ERC2: variants seen among roughly 807,000 people sequenced by gnomAD.
The protein encoded by ERC2 is ELKS/RAB6-interacting/CAST family member 2.
In ERC2, 42 loss-of-function variants were observed where a neutral mutation model predicts 114.8. The observed-to-expected ratio is 0.37, with a 90% CI of 0.29 to 0.47. The LOEUF (loss-of-function observed/expected upper bound fraction) is 0.47. ERC2 is among the 20% of genes least tolerant of loss of function. The pLI is 0.99. For synonymous variants in ERC2, 454 were observed against 425.5 expected, an observed-to-expected ratio of 1.07 and a Z score of -0.82; for missense variants, 939 against 1,150.7, an observed-to-expected ratio of 0.82 and a Z score of 2.66.
chr3:55,588,735 C>T (rs116097686), intron 17 of ERC2, among the ~76,000 whole-genome samples: 7 of 152,170 alleles, frequency 4.6e-5, no homozygotes, highest in Non-Finnish European at 1.0e-4. Flanking sequence ...GGGGCTCCCC[C>T]TTCCTTCCCA....
At position 56,296,083 on chromosome 3, in the gene ERC2, GA is replaced by G. The variant is rs1286863270; in HGVS notation, c.1009del (p.Ser337LeufsTer8). On this transcript the variant is annotated frameshift_variant, in exon 3 of 18. Transcript: ENST00000288221. LOFTEE classifies it high-confidence loss of function. ...ERTRRMAEAE[S>X]QVSHLEVILD... Reference sequence around the variant, plus strand: ...AATCACTTCCAAGTGGCTGACCTGAGACTCAGCCTCTGCCATCCGCCGCGTT... The same window carrying G: ...AATCACTTCCAAGTGGCTGACCTGAGCTCAGCCTCTGCCATCCGCCGCGTT... 5.0e-6 allele frequency: 8 copies of G among 1,613,080 alleles called. No homozygotes were observed. Among genetic ancestry groups the G allele is most frequent in the Non-Finnish European group, 6.8e-6 (8 of 1,179,198 alleles).
At chr3:56,206,471 T>A (rs1166039163) in intron 3 of ERC2, among the ~76,000 whole-genome samples, 2 of 152,192 alleles carry the variant, frequency 1.3e-5, no homozygotes, top group Non-Finnish European at 2.9e-5. Flanking sequence ...ACCATAGCAT[T>A]GTTACAAGGG....
At chr3:56,201,605 T>C (rs915831625) in intron 3 of ERC2, among the ~76,000 whole-genome samples, 1 of 152,226 alleles carries the variant, frequency 6.6e-6, no homozygotes, top group Non-Finnish European at 1.5e-5. Context: ...CCTCTGTTTA[T>C]ACATATGCAG....
chr3:55,877,757 C>T (rs1401115568), intron 14 of ERC2, among the ~76,000 whole-genome samples: 2 of 152,212 alleles, frequency 1.3e-5, no homozygotes, highest in East Asian at 3.9e-4. Flanking sequence ...AAGTGATCCA[C>T]TGGCCTCAGC....
At chr3:55,647,036 C>T (rs373660076) in intron 17 of ERC2, 7 of 152,316 alleles carry the variant, frequency 4.6e-5, no homozygotes, top group African/African-American at 1.4e-4. Context: ...GCCCAGTTCA[C>T]CTGCTTCTTC....
At chr3:55,753,960 T>C (rs946623968) in intron 14 of ERC2, among the ~76,000 whole-genome samples, 2 of 152,198 alleles carry the variant, frequency 1.3e-5, no homozygotes, top group African/African-American at 4.8e-5. Flanking sequence ...AGTTTCTTCA[T>C]CTGTAAAATG....
chr3:56,241,426 C>T (rs1369920996), intron 3 of ERC2, among the ~76,000 whole-genome samples: 8 of 152,186 alleles, frequency 5.3e-5, no homozygotes, highest in East Asian at 1.9e-4. Flanking sequence ...AGAAAAGGTA[C>T]GCCTTATACA....
intron 17 of ERC2, among the ~76,000 whole-genome samples, chr3:55,527,038 C>T (rs755436411): frequency 2.6e-5 from 4 of 152,246 alleles, no homozygotes; most frequent in African/African-American, 4.8e-5. Flanking sequence ...GCAGGAGAGT[C>T]AGGAAGTATC....
chr3:55,971,711 T>C (rs1489767614), intron 12 of ERC2, among the ~76,000 whole-genome samples: 1 of 152,126 alleles, frequency 6.6e-6, no homozygotes, highest in Non-Finnish European at 1.5e-5. Flanking sequence ...TCAGTACCTT[T>C]CTCAAATTTT....
At chr3:55,965,259 A>AAAT (rs1309925204) in intron 12 of ERC2, among the ~76,000 whole-genome samples, 37 of 152,208 alleles carry the variant, frequency 2.4e-4, no homozygotes, top group Non-Finnish European at 2.9e-5. Context: ...GCAATTATGG[A>AAAT]AATCTTCTAC....
chr3:55,745,027 T>A (rs1197573295), intron 14 of ERC2, among the ~76,000 whole-genome samples: 3 of 152,206 alleles, frequency 2.0e-5, no homozygotes, highest in African/African-American at 7.2e-5. Flanking sequence ...TTATAGTGAA[T>A]ATATCTAAAC....
At chr3:56,137,942 T>C (rs1010569579) in intron 6 of ERC2, among the ~76,000 whole-genome samples, 1 of 151,900 alleles carries the variant, frequency 6.6e-6, no homozygotes, top group East Asian at 1.9e-4. Flanking sequence ...TCAAAGGAGA[T>C]AGAAGCCAAC....
intron 1 of ERC2, among the ~76,000 whole-genome samples, chr3:56,435,511 A>G (rs2061978104): frequency 6.6e-6 from 1 of 152,250 alleles, no homozygotes. Context: ...TGGAGACCTT[A>G]GCTATAAAAA....
chr3:55,667,734 T>G (rs1325975758), intron 17 of ERC2, among the ~76,000 whole-genome samples: 3 of 152,168 alleles, frequency 2.0e-5, no homozygotes, highest in African/African-American at 7.2e-5. Flanking sequence ...AGGAGGCGTG[T>G]GCTATTATTA....
intron 5 of ERC2, among the ~76,000 whole-genome samples, chr3:56,141,761 C>T (rs78554899): frequency 6.6e-6 from 1 of 152,046 alleles, no homozygotes; most frequent in African/African-American, 2.4e-5. Flanking sequence ...AAATTTTTAA[C>T]CTTAATCTCC....
At chr3:55,704,982 A>G in intron 15 of ERC2, among the ~76,000 whole-genome samples, 1 of 152,186 alleles carries the variant, frequency 6.6e-6, no homozygotes, top group South Asian at 2.1e-4. Context: ...TAAGCCCATA[A>G]CTATTCAGCT....
chr3:56,037,037 C>T (rs1008358788), intron 7 of ERC2, among the ~76,000 whole-genome samples: 5 of 152,130 alleles, frequency 3.3e-5, no homozygotes, highest in Non-Finnish European at 7.4e-5. Flanking sequence ...AAACCCCATC[C>T]AAAGGTCAGC....
intron 2 of ERC2, among the ~76,000 whole-genome samples, chr3:56,355,778 G>A (rs532500313): frequency 6.6e-6 from 1 of 152,164 alleles, no homozygotes; most frequent in East Asian, 1.9e-4. Context: ...TTCCCTCTCA[G>A]ATAAACAAAA....
At chr3:55,881,985 A>C (rs908029657) in intron 14 of ERC2, among the ~76,000 whole-genome samples, 1 of 152,216 alleles carries the variant, frequency 6.6e-6, no homozygotes, top group African/African-American at 2.4e-5. Context: ...TCAACCAATA[A>C]AGACCAGACT....
Sources: gnomAD v4.1 joint callset for allele counts (sites outside exome capture counted in the v4.1 genomes callset) on GRCh38, gnomAD v4.1.1 for gene constraint, MANE v1.5 for transcripts, NCBI Gene and HGNC (gene_info 2026-07-23, HGNC 2026-07-21) for gene names.